The following CEP128 variants were observed in gnomAD, a reference collection of about 807,000 sequenced individuals.
The protein encoded by CEP128 is centrosomal protein 128kDa.
A neutral mutation model predicts 156.7 loss-of-function variants in CEP128; 132 were observed. The observed-to-expected ratio is 0.84, with a 90% CI of 0.73 to 0.97. The LOEUF (loss-of-function observed/expected upper bound fraction) is 0.97, where lower values mean the gene tolerates loss of function less well. Among genes scored for constraint, CEP128 ranks in the 50% least tolerant of loss-of-function variants. CEP128 has a pLI of 0.00. For synonymous variants in CEP128, 469 were observed against 448.9 expected, an observed-to-expected ratio of 1.04 and a Z score of -0.57; for missense variants, 1,252 against 1,281.9, an observed-to-expected ratio of 0.98 and a Z score of 0.36.
chr14:80,906,739 TA>T (rs1306739059), intron 4 of CEP128, among the ~76,000 whole-genome samples: 1 of 151,940 alleles, frequency 6.6e-6, no homozygotes, highest in African/African-American at 2.4e-5. Flanking sequence ...CTACATTAAA[TA>T]AAAACATGCT....
chr14:80,583,920 C>T (rs1891694859), intron 19 of CEP128, among the ~76,000 whole-genome samples: 1 of 152,122 alleles, frequency 6.6e-6, no homozygotes, highest in Admixed American at 6.6e-5. Flanking sequence ...AGACATGAGA[C>T]TCAAAGAAAT....
At chr14:80,917,035 C>T (rs1884602807) in intron 2 of CEP128, among the ~76,000 whole-genome samples, 2 of 152,150 alleles carry the variant, frequency 1.3e-5, no homozygotes, top group African/African-American at 4.8e-5. Flanking sequence ...GGCGGTCTCA[C>T]TCAGTGTACA....
At chr14:80,845,724 T>C (rs1183409686) in intron 9 of CEP128, among the ~76,000 whole-genome samples, 2 of 152,158 alleles carry the variant, frequency 1.3e-5, no homozygotes, top group African/African-American at 4.8e-5. Context: ...TTCACTATTT[T>C]CTAATAAAAA....
Position 80,785,029 on chromosome 14 carries a change from G to A in CEP128, c.2077C>T (p.His693Tyr), listed in dbSNP as rs759532913. ...GTGAGATCTTTCAGCTCCCTCTGGT[G>A]CACATCTCGTTCCAGCTTTAACTGT... ...ITQLKLERDVHQRELKDLTSS... is the reference protein window; with the variant it reads ...ITQLKLERDVYQRELKDLTSS... The change falls in exon 15 of 25, where the codon CAC (histidine) becomes TAC (tyrosine). Residue 693 changes from histidine (H) to tyrosine (Y), a missense_variant. Physicochemically the swap from His to Tyr is moderately conservative, Grantham distance 83. Transcript: ENST00000555265. 3 of 1,614,066 alleles carry A rather than the reference G, an allele frequency of 1.9e-6. No individual in the cohort carries two copies. The highest frequency in any genetic ancestry group is 4.5e-5 in the East Asian group (2 of 44,898).
At chr14:80,608,986 A>G (rs941085938) in intron 19 of CEP128, among the ~76,000 whole-genome samples, 2 of 152,196 alleles carry the variant, frequency 1.3e-5, no homozygotes, top group Non-Finnish European at 2.9e-5. Flanking sequence ...AATATTGACT[A>G]TAGGAATGCA....
chr14:80,627,316 T>C (rs895029417), intron 19 of CEP128, among the ~76,000 whole-genome samples: 1 of 152,234 alleles, frequency 6.6e-6, no homozygotes, highest in African/African-American at 2.4e-5. Flanking sequence ...AAATAAATGC[T>C]CAGCATATTC....
intron 9 of CEP128, among the ~76,000 whole-genome samples, chr14:80,861,379 C>T (rs145143893): frequency 5.3e-5 from 8 of 152,064 alleles, no homozygotes; most frequent in African/African-American, 1.9e-4. Context: ...GTAACTTTAA[C>T]AGTGGATAAA....
At chr14:80,865,661 TAGA>T (rs1474752694) in intron 8 of CEP128, among the ~76,000 whole-genome samples, 12 of 152,100 alleles carry the variant, frequency 7.9e-5, no homozygotes, top group African/African-American at 2.7e-4. Context: ...CTTCCATTAT[TAGA>T]TTGCAAAAAA....
intron 19 of CEP128, among the ~76,000 whole-genome samples, chr14:80,625,896 C>A (rs1050278561): frequency 6.6e-6 from 1 of 150,792 alleles, no homozygotes; most frequent in African/African-American, 2.4e-5. Context: ...TACTCTTGTA[C>A]AGAAGAAATT....
intron 19 of CEP128, among the ~76,000 whole-genome samples, chr14:80,667,547 A>T (rs1895666906): frequency 6.6e-6 from 1 of 152,178 alleles, no homozygotes; most frequent in Non-Finnish European, 1.5e-5. Context: ...GTCAGCCAAC[A>T]AATCAATACT....
chr14:80,921,474 G>C (rs561524986), intron 2 of CEP128, among the ~76,000 whole-genome samples: 2 of 152,002 alleles, frequency 1.3e-5, no homozygotes, highest in African/African-American at 2.4e-5. Context: ...CTCAGCCTCC[G>C]TAACTGAAAG....
intron 19 of CEP128, among the ~76,000 whole-genome samples, chr14:80,671,820 T>C (rs1459825264): frequency 6.6e-6 from 1 of 151,260 alleles, no homozygotes; most frequent in Non-Finnish European, 1.5e-5. Flanking sequence ...CCTTATTGTA[T>C]TGTCTATATA....
intron 16 of CEP128, among the ~76,000 whole-genome samples, chr14:80,773,106 C>T (rs1055508211): frequency 2.8e-4 from 42 of 152,234 alleles, no homozygotes; most frequent in African/African-American, 8.4e-4. Context: ...TACCTAGTAA[C>T]AAGAAACATA....
chr14:80,484,417 C>A (rs113612536), intron 14 of CEP128, among the ~76,000 whole-genome samples: 1 of 152,304 alleles, frequency 6.6e-6, no homozygotes, highest in East Asian at 1.9e-4. Flanking sequence ...ATCAATGTTA[C>A]CACATGGGTC....
At chr14:80,664,258 T>G (rs959858448) in intron 19 of CEP128, among the ~76,000 whole-genome samples, 1 of 152,166 alleles carries the variant, frequency 6.6e-6, no homozygotes, top group African/African-American at 2.4e-5. Flanking sequence ...CCTCAAGGCC[T>G]TCTGGCAGCG....
chr14:80,891,688 AAG>A (rs1889108459), intron 8 of CEP128, among the ~76,000 whole-genome samples: 2 of 152,052 alleles, frequency 1.3e-5, no homozygotes, highest in African/African-American at 4.8e-5. Context: ...AAATAACTAA[AAG>A]AGTATAATTG....
At chr14:80,959,434 AG>A (rs1308789163) in exon 1 of CEP128, 1 of 152,258 alleles carries the variant, frequency 6.6e-6, no homozygotes, top group Non-Finnish European at 1.5e-5. Flanking sequence ...TCTCTTACTC[AG>A]AAAGTTGCCA....
At position 80,928,231 on chromosome 14, in the gene CEP128, A is replaced by G. The variant is rs556293696; in HGVS notation, c.-16+11154T>C. Among the ~76,000 whole-genome samples, 12 of 152,376 alleles carry G rather than the reference A, an allele frequency of 7.9e-5. No individual in the cohort carries two copies. The East Asian group carries it at 1.9e-3, about 24-fold the overall frequency. On this transcript the variant is annotated intron_variant, in intron 2 of 24. Coordinates refer to ENST00000555265, the MANE Select transcript of CEP128 (RefSeq NM_152446.5). The stretch of plus-strand genomic sequence containing the variant: ...AATAATTCTGGCAATATGAAAGAAC[A>G]GAGTTCTATAACACTCCCAAAAGAT...
intron 16 of CEP128, among the ~76,000 whole-genome samples, chr14:80,764,454 G>C (rs1334117265): frequency 2.0e-5 from 3 of 151,478 alleles, no homozygotes; most frequent in Non-Finnish European, 4.4e-5. Flanking sequence ...AGCCGAGATT[G>C]CGCCACTGCA....
Sources: allele counts gnomAD v4.1 joint callset (sites outside exome capture counted in the v4.1 genomes callset), GRCh38; gene constraint gnomAD v4.1.1; transcripts MANE v1.5; gene names NCBI Gene and HGNC (gene_info 2026-07-23, HGNC 2026-07-21).